The following KDM6A variants were observed in gnomAD, a reference collection of about 807,000 sequenced individuals.
KDM6A encodes lysine-specific demethylase 6A.
A neutral mutation model predicts 117.6 loss-of-function variants in KDM6A; 11 were observed. The observed-to-expected ratio is 0.09, with a 90% CI of 0.06 to 0.15. The LOEUF (loss-of-function observed/expected upper bound fraction) is 0.15, where lower values mean the gene tolerates loss of function less well. Among genes scored for constraint, KDM6A ranks in the 10% least tolerant of loss-of-function variants. The pLI is 1.00. For missense variants in KDM6A, 799 were observed against 1,077.3 expected (o/e 0.74, Z 3.62); for synonymous variants, 384 against 396.1 (o/e 0.97, Z 0.36).
intron 28 of KDM6A, among the ~76,000 whole-genome samples, chrX:45,107,858 G>GACCAA (rs1014495243): frequency 9.0e-6 from 1 of 111,666 alleles, no homozygotes; most frequent in Non-Finnish European, 1.9e-5. Flanking sequence ...TAAACTGGAT[G>GACCAA]TTTGGTGTAA....
intron 4 of KDM6A, among the ~76,000 whole-genome samples, chrX:45,004,443 A>G (rs2041328461): frequency 9.0e-6 from 1 of 111,036 alleles, no homozygotes. Flanking sequence ...CACTTAGGGG[A>G]CGGTCTTCTC....
intron 2 of KDM6A, among the ~76,000 whole-genome samples, chrX:44,914,383 C>A (rs1352136578): frequency 9.1e-6 from 1 of 110,024 alleles, no homozygotes; most frequent in Non-Finnish European, 1.9e-5. Flanking sequence ...TAATAATTAA[C>A]AATTCTGATA....
intron 2 of KDM6A, among the ~76,000 whole-genome samples, chrX:44,914,544 TAAG>T (rs2035433652): frequency 3.6e-5 from 4 of 111,321 alleles, no homozygotes; most frequent in African/African-American, 9.8e-5. Context: ...GAGTGAATCA[TAAG>T]AAAGATGTTA....
intron 2 of KDM6A, among the ~76,000 whole-genome samples, chrX:44,913,768 A>G (rs1336098201): frequency 9.0e-6 from 1 of 110,861 alleles, no homozygotes; most frequent in African/African-American, 3.3e-5. Context: ...ATGTATACGC[A>G]CACACACATA....
intron 2 of KDM6A, among the ~76,000 whole-genome samples, chrX:44,926,371 C>G (rs1182834169): frequency 1.8e-5 from 2 of 111,095 alleles, no homozygotes; most frequent in African/African-American, 6.6e-5. Flanking sequence ...ACCACCACTC[C>G]CGGCCAAGGA....
At chrX:45,027,981 A>T (rs2038527356) in intron 6 of KDM6A, among the ~76,000 whole-genome samples, 1 of 108,150 alleles carries the variant, frequency 9.2e-6, no homozygotes, top group African/African-American at 3.4e-5. Flanking sequence ...TTTAGTAGAG[A>T]TGGGGTTTCA....
intron 3 of KDM6A, 25 bp downstream of exon 3, chrX:44,961,417 G>A (rs771704341): frequency 4.1e-6 from 4 of 970,584 alleles, no homozygotes; most frequent in South Asian, 2.0e-5. Flanking sequence ...GTTCATTATT[G>A]TTTGATTTAT....
chrX:44,918,509 A>G (rs1293710622), intron 2 of KDM6A, among the ~76,000 whole-genome samples: 1 of 111,694 alleles, frequency 9.0e-6, no homozygotes, highest in Non-Finnish European at 1.9e-5. Context: ...ATATAGGGTT[A>G]TCAAAATATG....
chrX:44,963,706 A>G (rs760548276), intron 3 of KDM6A, among the ~76,000 whole-genome samples: 5 of 109,917 alleles, frequency 4.5e-5, no homozygotes, highest in African/African-American at 1.0e-4. Flanking sequence ...ATGGGAATCA[A>G]CTTCTTCCAG....
At chrX:45,045,054 T>C (rs990459602) in intron 8 of KDM6A, among the ~76,000 whole-genome samples, 1 of 111,841 alleles carries the variant, frequency 8.9e-6, no homozygotes, top group African/African-American at 3.2e-5. Flanking sequence ...GATAAATATG[T>C]AGGGTTTATT....
At chrX:44,995,093 G>C (rs963918649) in intron 4 of KDM6A, among the ~76,000 whole-genome samples, 17 of 111,445 alleles carry the variant, frequency 1.5e-4, no homozygotes. Flanking sequence ...ATCAAATGGT[G>C]GTTCTATTGT....
At chrX:44,879,195 A>G (rs1337667307) in intron 2 of KDM6A, among the ~76,000 whole-genome samples, 2 of 112,171 alleles carry the variant, frequency 1.8e-5, no homozygotes, top group Admixed American at 1.9e-4. Context: ...CATAGTACCA[A>G]TATTCTGCAT....
At chrX:45,057,848 A>G in intron 10 of KDM6A, among the ~76,000 whole-genome samples, 1 of 111,272 alleles carries the variant, frequency 9.0e-6, no homozygotes, top group East Asian at 2.8e-4. Flanking sequence ...GTGTTTGGGC[A>G]AGTAAAAACA....
intron 27 of KDM6A, among the ~76,000 whole-genome samples, chrX:45,095,182 A>G (rs1407595680): frequency 1.8e-5 from 2 of 110,896 alleles, no homozygotes; most frequent in African/African-American, 6.6e-5. Flanking sequence ...TGCTTCCCAG[A>G]CTGTATTATT....
intron 2 of KDM6A, among the ~76,000 whole-genome samples, chrX:44,901,689 A>T (rs762743689): frequency 2.7e-5 from 3 of 111,700 alleles, no homozygotes; most frequent in African/African-American, 9.8e-5. Flanking sequence ...TCATTATAGA[A>T]TATTCTGTGT....
chrX:45,082,325 TG>T, intron 21 of KDM6A: 2 of 368,001 alleles, frequency 5.4e-6, no homozygotes, highest in Non-Finnish European at 9.5e-6. Context: ...TCCCAGCTAC[TG>T]AGGAGGCTGA....
intron 6 of KDM6A, among the ~76,000 whole-genome samples, chrX:45,025,986 C>G (rs1462185084): frequency 1.8e-5 from 2 of 111,783 alleles, no homozygotes; most frequent in African/African-American, 6.5e-5. Context: ...GGATTGAACT[C>G]AAATGAGACT....
intron 9 of KDM6A, among the ~76,000 whole-genome samples, 185 bp downstream of exon 9, chrX:45,051,987 A>G (rs1310419453): frequency 9.0e-6 from 1 of 111,337 alleles, no homozygotes; most frequent in East Asian, 2.8e-4. Flanking sequence ...TCTCAGTGTA[A>G]TTCTTTAGTA....
intron 27 of KDM6A, among the ~76,000 whole-genome samples, chrX:45,094,958 TC>T (rs750847577): frequency 1.2e-4 from 13 of 111,465 alleles, no homozygotes; most frequent in Admixed American, 5.7e-4. Context: ...AAGACTTTCT[TC>T]TGTCAGAGAG....
Sources: gnomAD v4.1 joint callset for allele counts (sites outside exome capture counted in the v4.1 genomes callset) on GRCh38, gnomAD v4.1.1 for gene constraint, MANE v1.5 for transcripts, NCBI Gene and HGNC (gene_info 2026-07-23, HGNC 2026-07-21) for gene names.